SRGAP1: variants seen among roughly 807,000 people sequenced by gnomAD.
SRGAP1 encodes SLIT-ROBO Rho GTPase activating protein 1, also known as SLIT-ROBO Rho GTPase-activating protein 1.
SRGAP1 carries 43 observed loss-of-function variants against 121.9 expected under a neutral mutation model. The ratio of observed to expected loss-of-function variants is 0.35; its 90% CI spans 0.28 to 0.46. SRGAP1 has a LOEUF of 0.46. Ranked by LOEUF, SRGAP1 falls within the 20% of genes least tolerant of loss-of-function variation. The pLI is 1.00. For synonymous variants in SRGAP1, 447 were observed against 485.4 expected (o/e 0.92, Z 1.04); for missense variants, 1,102 against 1,350.9 (o/e 0.82, Z 2.89).
At chr12:63,911,150 T>C (rs1417881134) in intron 1 of SRGAP1, among the ~76,000 whole-genome samples, 3 of 151,680 alleles carry the variant, frequency 2.0e-5, no homozygotes, top group African/African-American at 7.3e-5. Context: ...ACACAAAAAA[T>C]TAGCCAGGCG....
chr12:64,041,816 A>G (rs3916529), intron 4 of SRGAP1, among the ~76,000 whole-genome samples: 22,004 of 151,260 alleles, frequency 0.15, 1,684 homozygotes, highest in African/African-American at 0.16. Flanking sequence ...GGAAGGCTTT[A>G]TACTAAAATC....
At chr12:63,884,176 G>C (rs918836919) in intron 1 of SRGAP1, among the ~76,000 whole-genome samples, 3 of 151,784 alleles carry the variant, frequency 2.0e-5, no homozygotes, top group Non-Finnish European at 2.9e-5. Context: ...CCAGCTACTC[G>C]GGAGGCTGAG....
intron 12 of SRGAP1, 137 bp downstream of exon 12, chr12:64,091,515 A>G: frequency 1.8e-6 from 1 of 559,426 alleles, no homozygotes; most frequent in Non-Finnish European, 3.0e-6. Flanking sequence ...TCAATATAAT[A>G]TTTCCTGAAG....
chr12:63,962,383 G>A (rs1372748769), intron 1 of SRGAP1, among the ~76,000 whole-genome samples: 9 of 152,090 alleles, frequency 5.9e-5, no homozygotes, highest in Non-Finnish European at 1.0e-4. Context: ...TTTTCCCCTT[G>A]ACCAATGGTT....
intron 6 of SRGAP1, among the ~76,000 whole-genome samples, chr12:64,048,052 GTAA>G (rs2035169597): frequency 6.6e-6 from 1 of 152,044 alleles, no homozygotes; most frequent in South Asian, 2.1e-4. Flanking sequence ...TTACTGTGTA[GTAA>G]TTTATTGTAC....
At chr12:63,963,624 A>G (rs1294848782) in intron 1 of SRGAP1, among the ~76,000 whole-genome samples, 1 of 152,194 alleles carries the variant, frequency 6.6e-6, no homozygotes, top group East Asian at 1.9e-4. Context: ...GCACTATAGA[A>G]CACTAGAACT....
chr12:63,900,876 A>T (rs1274187748), intron 1 of SRGAP1, among the ~76,000 whole-genome samples: 1 of 152,212 alleles, frequency 6.6e-6, no homozygotes, highest in Admixed American at 6.5e-5. Context: ...AAGTAAAAAA[A>T]CAATGTATGC....
Position 64,161,970 on chromosome 12 carries a change from C to T in SRGAP1, c.*19298C>T, listed in dbSNP as rs1358552088. 6.6e-6 allele frequency: 1 copy of T among 152,098 alleles called. No individual in the cohort carries two copies. Among genetic ancestry groups the T allele is most frequent in the Non-Finnish European group, 1.5e-5 (1 of 68,012 alleles). 9.4% of individuals were successfully genotyped at this position (152,098 alleles called of 1,614,324 possible). On this transcript the variant is annotated 3_prime_UTR_variant, in exon 22 of 22. Coordinates refer to ENST00000355086, the MANE Select transcript of SRGAP1 (RefSeq NM_020762.4). ...TACGTGAAATAAGCCAGTCATAAAC[C>T]ACATATTGTGTATATTTTATCCATA...
intron 18 of SRGAP1, among the ~76,000 whole-genome samples, chr12:64,122,353 A>G (rs1250128597): frequency 1.3e-5 from 2 of 152,228 alleles, no homozygotes; most frequent in African/African-American, 2.4e-5. Flanking sequence ...GGCACAGTGT[A>G]CCATGCCCTG....
At chr12:63,910,138 G>T (rs1371381174) in intron 1 of SRGAP1, among the ~76,000 whole-genome samples, 1 of 152,162 alleles carries the variant, frequency 6.6e-6, no homozygotes, top group Non-Finnish European at 1.5e-5. Context: ...TACTCCAGGG[G>T]ATCAAATGCA....
chr12:64,048,101 C>T (rs1219952834), intron 6 of SRGAP1, among the ~76,000 whole-genome samples: 1 of 152,056 alleles, frequency 6.6e-6, no homozygotes, highest in Non-Finnish European at 1.5e-5. Context: ...CTGAAAAATA[C>T]TAGCTCTTAT....
intron 15 of SRGAP1, among the ~76,000 whole-genome samples, chr12:64,108,558 A>G (rs892994879): frequency 1.3e-5 from 2 of 152,226 alleles, no homozygotes; most frequent in South Asian, 4.1e-4. Flanking sequence ...TTAATGCATA[A>G]CAGTTCGGGG....
At chr12:64,044,588 A>G (rs1593073022) in intron 6 of SRGAP1, among the ~76,000 whole-genome samples, 1 of 151,490 alleles carries the variant, frequency 6.6e-6, no homozygotes, top group East Asian at 1.9e-4. Flanking sequence ...GCTGTGCCAA[A>G]CTGTTCAGCC....
intron 1 of SRGAP1, among the ~76,000 whole-genome samples, chr12:63,896,439 G>A (rs572781335): frequency 6.6e-6 from 1 of 152,248 alleles, no homozygotes; most frequent in South Asian, 2.1e-4. Context: ...CTTTCTCCAT[G>A]TTACCCTATC....
rs1487534143 is a variant in SRGAP1 at position 64,151,531 on chromosome 12, G to T, written c.*8859G>T. ...TCCAAAAAGTGAAATCACTGGGTCA[G>T]AGGATGCAATTATCTGTAAGGCTCA... On this transcript the variant is annotated 3_prime_UTR_variant, in exon 22 of 22. Transcript: ENST00000355086. 1 of 152,156 alleles carries T rather than the reference G, an allele frequency of 6.6e-6. No homozygotes were observed. The highest frequency in any genetic ancestry group is 1.5e-5 in the Non-Finnish European group (1 of 68,032). 9.4% of individuals were successfully genotyped at this position (152,156 alleles called of 1,614,324 possible). A position where few individuals can be genotyped will look rare whatever the true frequency, so the allele number is the denominator to read the frequency against.
At chr12:63,929,905 A>G (rs938321318) in intron 1 of SRGAP1, among the ~76,000 whole-genome samples, 2 of 152,198 alleles carry the variant, frequency 1.3e-5, no homozygotes, top group African/African-American at 4.8e-5. Context: ...ACACTTCTCA[A>G]AAGAAGACAT....
intron 1 of SRGAP1, among the ~76,000 whole-genome samples, chr12:63,931,183 T>C (rs960425680): frequency 2.0e-5 from 3 of 152,228 alleles, no homozygotes; most frequent in Non-Finnish European, 4.4e-5. Flanking sequence ...TGTGTCTGGA[T>C]TGACTCAAAA....
chr12:64,032,055 A>G (rs2136488462), intron 4 of SRGAP1, among the ~76,000 whole-genome samples: 1 of 152,362 alleles, frequency 6.6e-6, no homozygotes, highest in Non-Finnish European at 1.5e-5. Flanking sequence ...TCCTTAGTTC[A>G]ACTAAAGACA....
intron 3 of SRGAP1, 27 bp downstream of exon 3, chr12:63,990,099 G>T: frequency 6.4e-7 from 1 of 1,554,624 alleles, no homozygotes; most frequent in Non-Finnish European, 8.7e-7. Context: ...CTGCCATAGT[G>T]TGCTTTCCAA....
Sources: allele counts gnomAD v4.1 joint callset (sites outside exome capture counted in the v4.1 genomes callset), GRCh38; gene constraint gnomAD v4.1.1; transcripts MANE v1.5; gene names NCBI Gene and HGNC (gene_info 2026-07-23, HGNC 2026-07-21).